DDHD1: variants seen among roughly 807,000 people sequenced by gnomAD.
The protein encoded by DDHD1 is phospholipase DDHD1.
In DDHD1, 49 loss-of-function variants were observed where a neutral mutation model predicts 96.4. The observed-to-expected ratio is 0.51, with a 90% CI of 0.40 to 0.64. DDHD1 has a LOEUF of 0.64. Among genes scored for constraint, DDHD1 ranks in the 30% least tolerant of loss-of-function variants. The probability of loss-of-function intolerance (pLI) is 0.00; values close to 1 mark genes in which losing one functional copy is unlikely to be tolerated. For missense variants in DDHD1, 1,106 were observed against 1,161.2 expected (o/e 0.95, Z 0.69); for synonymous variants, 442 against 446.5 (o/e 0.99, Z 0.13).
chr14:53,148,778 T>G (rs1891165009), intron 1 of DDHD1, among the ~76,000 whole-genome samples: 1 of 152,212 alleles, frequency 6.6e-6, no homozygotes, highest in African/African-American at 2.4e-5. Flanking sequence ...TTGTGGGCAC[T>G]CAACAACTGT....
At chr14:53,140,504 C>G (rs1375666190) in intron 1 of DDHD1, among the ~76,000 whole-genome samples, 1 of 152,080 alleles carries the variant, frequency 6.6e-6, no homozygotes, top group Non-Finnish European at 1.5e-5. Context: ...GCACTCCAGC[C>G]TGGGCAACAG....
intron 11 of DDHD1, 121 bp from the exon 12 acceptor site, chr14:53,052,048 C>A: frequency 1.4e-6 from 1 of 689,716 alleles, no homozygotes; most frequent in Non-Finnish European, 2.5e-6. Context: ...ATCTAGCATA[C>A]ATAAAGTAGT....
At chr14:53,108,613 A>T (rs7158644) in intron 1 of DDHD1, among the ~76,000 whole-genome samples, 1 of 152,138 alleles carries the variant, frequency 6.6e-6, no homozygotes, top group Non-Finnish European at 1.5e-5. Flanking sequence ...GGAATTTTCC[A>T]TTTAATATTT....
At chr14:53,103,089 AC>A in intron 2 of DDHD1, 1 of 1,551,716 alleles carries the variant, frequency 6.4e-7, no homozygotes, top group South Asian at 1.2e-5. Context: ...TTTTAACTTT[AC>A]CACATATTTT....
At chr14:53,141,235 A>G (rs1342558036) in intron 1 of DDHD1, among the ~76,000 whole-genome samples, 1 of 152,248 alleles carries the variant, frequency 6.6e-6, no homozygotes, top group Non-Finnish European at 1.5e-5. Flanking sequence ...GAGATTAAAT[A>G]AAACTACCAA....
At chr14:53,050,675 AGT>A (rs1882464913) in intron 12 of DDHD1, among the ~76,000 whole-genome samples, 1 of 152,100 alleles carries the variant, frequency 6.6e-6, no homozygotes, top group Non-Finnish European at 1.5e-5. Context: ...TATCTTTTCT[AGT>A]GACTGCCATG....
rs1229325117 is a variant in DDHD1 at position 53,044,173 on chromosome 14, C to T, written c.*2595G>A. On this transcript the variant is annotated 3_prime_UTR_variant, in exon 13 of 13. Transcript: ENST00000673822. ...CATAGAAACAAGGATACTACAAAAC[C>T]GAAATCACCATCTCTACTGATGAAA... 2 of 151,990 alleles carry T rather than the reference C, an allele frequency of 1.3e-5. 1 individual carries two copies. The highest frequency in any genetic ancestry group is 6.3e-3 in the Middle Eastern group (2 of 316). The allele number at this position is 151,990 out of a possible 1,614,324, so 9.4% of individuals were successfully genotyped here. A position where few individuals can be genotyped will look rare whatever the true frequency, so the allele number is the denominator to read the frequency against.
chr14:53,066,532 C>T (rs558470606), intron 6 of DDHD1, among the ~76,000 whole-genome samples: 29 of 152,200 alleles, frequency 1.9e-4, no homozygotes, highest in Non-Finnish European at 3.5e-4. Flanking sequence ...AAACAAGGTT[C>T]ATTCACCAGG....
At position 53,045,611 on chromosome 14, in the gene DDHD1, G is replaced by C. The variant is rs1881954650; in HGVS notation, c.*1157C>G. The C allele has an allele frequency of 6.6e-6, 1 of 152,178 alleles. No individual in the cohort carries two copies. Among genetic ancestry groups the C allele is most frequent in the African/African-American group, 2.4e-5 (1 of 41,444 alleles). The allele number at this position is 152,178 out of a possible 1,614,324, so 9.4% of individuals were successfully genotyped here. A position where few individuals can be genotyped will look rare whatever the true frequency, so the allele number is the denominator to read the frequency against. On this transcript the variant is annotated 3_prime_UTR_variant, in exon 13 of 13. Transcript: ENST00000673822. Reference sequence around the variant, plus strand: ...CTTGGTGTATTAACATGTAACATGAGAACAAGATTTATTTACTTACCTCAA... The same window carrying C: ...CTTGGTGTATTAACATGTAACATGACAACAAGATTTATTTACTTACCTCAA...
chr14:53,149,050 A>T (rs1404917609), intron 1 of DDHD1, among the ~76,000 whole-genome samples: 2 of 152,360 alleles, frequency 1.3e-5, no homozygotes, highest in African/African-American at 4.8e-5. Context: ...ATCTAAACAT[A>T]CAATAAAACA....
At chr14:53,114,708 C>T (rs1000659123) in intron 1 of DDHD1, among the ~76,000 whole-genome samples, 12 of 152,180 alleles carry the variant, frequency 7.9e-5, no homozygotes, top group East Asian at 7.7e-4. Flanking sequence ...CACACAAAAA[C>T]CCCATCCAAA....
intron 1 of DDHD1, among the ~76,000 whole-genome samples, chr14:53,114,700 C>T (rs1303610977): frequency 1.3e-5 from 2 of 152,202 alleles, no homozygotes; most frequent in African/African-American, 2.4e-5. Context: ...AAGACCACCA[C>T]ACAAAAACCC....
At position 53,103,706 on chromosome 14, in the gene DDHD1, G is replaced by T; in HGVS notation, c.989C>A (p.Ser330Ter). Residue 330 changes from serine to a stop codon, truncating the protein, a stop_gained, in exon 2 of 13, where the codon TCA (serine) becomes TAA (stop). Coordinates refer to ENST00000673822, the MANE Select transcript of DDHD1 (RefSeq NM_001160148.2). LOFTEE classifies it high-confidence loss of function. ...QMQENFDIEV[S>*]KSIDGKDAVH... ...ACCATCTTTTCCATCTATGGATTTT[G>T]ACACTTCAATATCGAAATTTTCCTG... The T allele has an allele frequency of 6.2e-7, 1 of 1,611,644 alleles. No homozygotes were observed. Among genetic ancestry groups the T allele is most frequent in the East Asian group, 2.2e-5 (1 of 44,750 alleles).
At position 53,037,823 on chromosome 14, in the gene DDHD1, A is replaced by G. The variant is rs1236176719; in HGVS notation, c.*8945T>C. ...TGCCAAGGCTGATGTTGATAAGGGT[A>G]TTTCCTAGGTTTTCTTCTAGGATTT... On this transcript the variant is annotated 3_prime_UTR_variant, in exon 13 of 13. Transcript: ENST00000673822. The G allele has an allele frequency of 6.6e-6, 1 of 151,986 alleles. No homozygotes were observed. Among genetic ancestry groups the G allele is most frequent in the East Asian group, 1.9e-4 (1 of 5,170 alleles). The allele number at this position is 151,986 out of a possible 1,614,324, so 9.4% of individuals were successfully genotyped here.
chr14:53,056,368 T>C (rs1883056569), intron 9 of DDHD1, among the ~76,000 whole-genome samples: 1 of 152,178 alleles, frequency 6.6e-6, no homozygotes, highest in Non-Finnish European at 1.5e-5. Flanking sequence ...GAAGTAGCAA[T>C]GAGACAGCAG....
chr14:53,055,719 A>G lies in DDHD1; in HGVS notation c.2186T>C (p.Val729Ala). 6.2e-7 allele frequency: 1 copy of G among 1,614,142 alleles called. No homozygotes were observed. Among genetic ancestry groups the G allele is most frequent in the Non-Finnish European group, 8.5e-7 (1 of 1,179,988 alleles). Reference protein sequence around the residue: ...STIPSPVTSPVLSRRHYGESI... With the variant: ...STIPSPVTSPALSRRHYGESI... The stretch of plus-strand genomic sequence containing the variant: ...TTCTCCATAGTGTCGGCGGGACAAA[A>G]CTGGTGAGGTCACAGGGCTTGGTAT... Residue 729 changes from valine to alanine, a missense_variant, in exon 10 of 13, where the codon GTT (valine) becomes GCT (alanine). Coordinates refer to ENST00000673822, the MANE Select transcript of DDHD1 (RefSeq NM_001160148.2).
At chr14:53,100,341 T>G (rs1464833453) in intron 2 of DDHD1, among the ~76,000 whole-genome samples, 1 of 151,782 alleles carries the variant, frequency 6.6e-6, no homozygotes, top group East Asian at 1.9e-4. Flanking sequence ...ATTAGCCTGG[T>G]GTGGTAGTGT....
At chr14:53,133,048 TCCATG>T (rs902970434) in intron 1 of DDHD1, among the ~76,000 whole-genome samples, 9 of 152,312 alleles carry the variant, frequency 5.9e-5, no homozygotes, top group African/African-American at 2.2e-4. Flanking sequence ...CATAACCTCG[TCCATG>T]AAGGTTACAG....
intron 4 of DDHD1, among the ~76,000 whole-genome samples, chr14:53,077,081 G>A (rs961558097): frequency 1.3e-5 from 2 of 152,102 alleles, no homozygotes; most frequent in Admixed American, 6.6e-5. Context: ...CTCAGAGTCC[G>A]ATTTTCATTC....
Sources: allele counts gnomAD v4.1 joint callset (sites outside exome capture counted in the v4.1 genomes callset), GRCh38; gene constraint gnomAD v4.1.1; transcripts MANE v1.5; gene names NCBI Gene and HGNC (gene_info 2026-07-23, HGNC 2026-07-21).